The following RALB variants were observed in gnomAD, a reference collection of about 807,000 sequenced individuals.
RALB encodes the protein RAS like proto-oncogene B.
RALB carries 16 observed loss-of-function variants against 21.3 expected under a neutral mutation model. The observed-to-expected ratio is 0.75, with a 90% confidence interval of 0.51 to 1.14. The LOEUF is 1.14. Among genes scored for constraint, RALB ranks in the 50% most tolerant of loss-of-function variants. RALB has a pLI of 0.00. For synonymous variants in RALB, 93 were observed against 96.1 expected (o/e 0.97, Z 0.19); for missense variants, 161 against 256.2 (o/e 0.63, Z 2.54).
At chr2:120,275,071 G>A (rs1301925642) in intron 1 of RALB, among the ~76,000 whole-genome samples, 1 of 152,306 alleles carries the variant, frequency 6.6e-6, no homozygotes, top group Non-Finnish European at 1.5e-5. Flanking sequence ...TGGCTTTAGA[G>A]GAGTGTTGTG....
At chr2:120,280,863 A>C (rs1430895700) in intron 2 of RALB, 3 of 444,238 alleles carry the variant, frequency 6.8e-6, no homozygotes, top group Non-Finnish European at 4.5e-6. Context: ...GGCATATGAC[A>C]AGAAAAAGTA....
intron 1 of RALB, among the ~76,000 whole-genome samples, chr2:120,261,975 A>G (rs1158846103): frequency 6.6e-6 from 1 of 152,136 alleles, no homozygotes; most frequent in Non-Finnish European, 1.5e-5. Flanking sequence ...AAGGAAAGAA[A>G]GGGTTTTCGG....
chr2:120,248,508 C>A (rs2104569902), upstream of RALB, among the ~76,000 whole-genome samples: 1 of 152,006 alleles, frequency 6.6e-6, no homozygotes, highest in East Asian at 1.9e-4. Context: ...CTCTTGCTCC[C>A]TTCCTCCTGC....
intron 1 of RALB, among the ~76,000 whole-genome samples, chr2:120,265,252 A>T (rs1283380205): frequency 6.6e-5 from 10 of 152,248 alleles, no homozygotes; most frequent in Non-Finnish European, 1.0e-4. Context: ...CCTTTTGCTC[A>T]TGGGCTGCAA....
upstream of RALB, chr2:120,252,773 A>T: frequency 1.0e-6 from 1 of 985,178 alleles, no homozygotes; most frequent in Non-Finnish European, 1.2e-6. Flanking sequence ...TTCCGAGGAG[A>T]GGGCAAGAAC....
At position 120,278,787 on chromosome 2, in the gene RALB, T is replaced by A; in HGVS notation, c.114+9T>A. 6.6e-7 allele frequency: 1 copy of A among 1,517,392 alleles called. No individual in the cohort carries two copies. Among genetic ancestry groups the A allele is most frequent in the Non-Finnish European group, 8.9e-7 (1 of 1,127,038 alleles). 94.0% of individuals were successfully genotyped at this position (1,517,392 alleles called of 1,614,324 possible). A position where few individuals can be genotyped will look rare whatever the true frequency, so the allele number is the denominator to read the frequency against. On this transcript the variant is annotated intron_variant, in intron 2 of 4. Transcript: ENST00000272519. Reference sequence around the variant, plus strand: ...AGTTCATGTATGACGAGGTAAGCCCTGCTAGGCACAGACCACCTTCCTTTG... The same window carrying A: ...AGTTCATGTATGACGAGGTAAGCCCAGCTAGGCACAGACCACCTTCCTTTG...
intron 1 of RALB, among the ~76,000 whole-genome samples, chr2:120,240,814 G>C (rs1688881691): frequency 6.6e-6 from 1 of 152,184 alleles, no homozygotes; most frequent in Non-Finnish European, 1.5e-5. Flanking sequence ...GTCAGTGTGA[G>C]GTTGGCTTCT....
At chr2:120,291,551 G>A (rs1398305536) in intron 4 of RALB, among the ~76,000 whole-genome samples, 2 of 152,084 alleles carry the variant, frequency 1.3e-5, no homozygotes, top group African/African-American at 4.8e-5. Flanking sequence ...AGCTTGACCT[G>A]CCAAACAGGA....
Position 120,285,957 on chromosome 2 carries a change from T to C in RALB, c.198T>C (p.Ile66=), listed in dbSNP as rs571256537. The change falls in exon 3 of 5, where the codon ATT becomes ATC. Residue 66 remains isoleucine, a synonymous_variant. Coordinates refer to ENST00000272519, the MANE Select transcript of RALB (RefSeq NM_002881.3). ...VLDGEEVQID[I]LDTAGQEDYA... The stretch of plus-strand genomic sequence containing the variant: ...ATGGGGAAGAAGTTCAGATAGATAT[T>C]CTGGACACCGCTGGGCAAGAGGACT... 1 of 1,614,104 alleles carries C rather than the reference T, an allele frequency of 6.2e-7. No homozygotes were observed. The highest frequency in any genetic ancestry group is 1.1e-5 in the South Asian group (1 of 91,078).
intron 4 of RALB, among the ~76,000 whole-genome samples, chr2:120,292,369 G>T (rs936379726): frequency 2.0e-5 from 3 of 152,152 alleles, no homozygotes; most frequent in African/African-American, 7.2e-5. Context: ...CCATCCTACT[G>T]CCTCCCCAGG....
intron 2 of RALB, among the ~76,000 whole-genome samples, chr2:120,280,170 C>T (rs1689952388): frequency 2.0e-5 from 3 of 152,170 alleles, no homozygotes; most frequent in Admixed American, 6.5e-5. Context: ...ACAGCTTGTA[C>T]AGTGAAGCTC....
chr2:120,277,699 G>A (rs935135014), intron 1 of RALB, among the ~76,000 whole-genome samples: 23 of 151,920 alleles, frequency 1.5e-4, no homozygotes, highest in African/African-American at 5.6e-4. Context: ...AAGTGTGTAT[G>A]TGGGTGTGTG....
upstream of RALB, among the ~76,000 whole-genome samples, chr2:120,248,524 C>T (rs1689006612): frequency 6.7e-6 from 1 of 148,170 alleles, no homozygotes; most frequent in Admixed American, 6.8e-5. Context: ...CCTGCAATCT[C>T]TCCAAATCTC....
At chr2:120,284,684 T>G (rs142556889) in intron 2 of RALB, among the ~76,000 whole-genome samples, 1,710 of 152,306 alleles carry the variant, frequency 0.011, 34 homozygotes, top group African/African-American at 0.039. Context: ...AGGTTTTTTT[T>G]GTATATTCAT....
At chr2:120,277,809 G>A (rs1413664636) in intron 1 of RALB, among the ~76,000 whole-genome samples, 4 of 151,178 alleles carry the variant, frequency 2.6e-5, no homozygotes, top group South Asian at 2.1e-4. Flanking sequence ...GTGTGAGAGC[G>A]TGTGAGAGCA....
chr2:120,251,479 A>G (rs529142876), upstream of RALB, among the ~76,000 whole-genome samples: 58 of 152,350 alleles, frequency 3.8e-4, no homozygotes, highest in Non-Finnish European at 6.9e-4. Flanking sequence ...GCTATTGGGC[A>G]GCTGGTGAAA....
chr2:120,256,858 A>G (rs1258687255), intron 1 of RALB, among the ~76,000 whole-genome samples: 1 of 152,224 alleles, frequency 6.6e-6, no homozygotes, highest in Non-Finnish European at 1.5e-5. Flanking sequence ...GAGGCTAGCC[A>G]CCACAACTTT....
upstream of RALB, among the ~76,000 whole-genome samples, chr2:120,251,171 T>G (rs1205523633): frequency 6.6e-6 from 1 of 152,186 alleles, no homozygotes; most frequent in Non-Finnish European, 1.5e-5. Flanking sequence ...ATCATACCCT[T>G]TTCACTTGGG....
intron 1 of RALB, among the ~76,000 whole-genome samples, chr2:120,271,771 A>G (rs936604863): frequency 6.6e-6 from 1 of 152,088 alleles, no homozygotes; most frequent in Non-Finnish European, 1.5e-5. Context: ...CTTTTCCTGG[A>G]GTTCATTATG....
Sources: allele counts gnomAD v4.1 joint callset (sites outside exome capture counted in the v4.1 genomes callset), GRCh38; gene constraint gnomAD v4.1.1; transcripts MANE v1.5; gene names NCBI Gene and HGNC (gene_info 2026-07-23, HGNC 2026-07-21).